The following LAMC2 variants were observed in gnomAD, a reference collection of about 807,000 sequenced individuals.
LAMC2 encodes the protein laminin subunit gamma 2.
A neutral mutation model predicts 140.2 loss-of-function variants in LAMC2; 97 were observed. The observed-to-expected ratio is 0.69, with a 90% CI of 0.59 to 0.82. LAMC2 has a LOEUF of 0.82. LAMC2 is among the 40% of genes least tolerant of loss of function. LAMC2 has a pLI of 0.00. For missense variants in LAMC2, 1,402 were observed against 1,476.1 expected (o/e 0.95, Z 0.82); for synonymous variants, 513 against 540.2 (o/e 0.95, Z 0.70).
chr1:183,219,602 T>C (rs1306559698), intron 4 of LAMC2, among the ~76,000 whole-genome samples: 1 of 152,126 alleles, frequency 6.6e-6, no homozygotes, highest in Non-Finnish European at 1.5e-5. Context: ...TCCTTTCCCT[T>C]CTTTTGTCTT....
At position 183,226,836 on chromosome 1, in the gene LAMC2, G is replaced by C. The variant is rs1659641015; in HGVS notation, c.1205G>C (p.Arg402Thr). The change falls in exon 9 of 23, where the codon AGA becomes ACA. Residue 402 changes from arginine (R) to threonine (T), a missense_variant. Arg to Thr is a moderately conservative substitution (Grantham distance 71, BLOSUM62 -1). Coordinates refer to ENST00000264144, the MANE Select transcript of LAMC2 (RefSeq NM_005562.3). ...CAGGATTGTGCTTCTGGCTACAAGA[G>C]AGATTCAGCGAGACTGGGGCCTTTT... ...FCQDCASGYK[R>T]DSARLGPFGT... The C allele has an allele frequency of 6.2e-7, 1 of 1,614,248 alleles. No homozygotes were observed. Among genetic ancestry groups the C allele is most frequent in the East Asian group, 2.2e-5 (1 of 44,888 alleles).
chr1:183,222,173 C>T lies in LAMC2; in HGVS notation c.725C>T (p.Ser242Leu). The change falls in exon 6 of 23, where the codon TCA (serine) becomes TTA (leucine). Residue 242 changes from serine (S) to leucine (L), a missense_variant. Physicochemically the swap from Ser to Leu is moderately radical, Grantham distance 145. Transcript: ENST00000264144. ...CAGCGCCATCAAGATGTGTTTAGCT[C>T]AGCCCAACGACTAGACCCTGTCTAT... ...WSQRHQDVFS[S>L]AQRLDPVYFV... The T allele has an allele frequency of 1.9e-6, 3 of 1,614,154 alleles. No individual in the cohort carries two copies. Among genetic ancestry groups the T allele is most frequent in the South Asian group, 2.2e-5 (2 of 91,084 alleles).
intron 22 of LAMC2, chr1:183,241,111 G>A (rs1289404756): frequency 6.1e-6 from 1 of 163,274 alleles, no homozygotes; most frequent in African/African-American, 2.4e-5. Flanking sequence ...AGCTGGATGT[G>A]GTGGTGGGCG....
At chr1:183,238,494 A>G (rs936973891) in intron 19 of LAMC2, 73 bp downstream of exon 19, 5 of 942,306 alleles carry the variant, frequency 5.3e-6, no homozygotes, top group African/African-American at 4.8e-5. Context: ...TTGAATTCTC[A>G]TATGTCTCTC....
At chr1:183,255,002 A>G in the LAMC2 span, among the ~76,000 whole-genome samples, 2 of 152,176 alleles carry the variant, frequency 1.3e-5, no homozygotes, top group Non-Finnish European at 2.9e-5. Flanking sequence ...GACCAATGTC[A>G]AGGAGATTTT....
intron 2 of LAMC2, among the ~76,000 whole-genome samples, chr1:183,210,730 C>T (rs1304273508): frequency 6.6e-6 from 1 of 152,236 alleles, no homozygotes; most frequent in East Asian, 1.9e-4. Flanking sequence ...TAGATGATGT[C>T]CTTCTTAGTC....
downstream of LAMC2, among the ~76,000 whole-genome samples, chr1:183,247,654 ACT>A (rs1660267522): frequency 6.6e-6 from 1 of 152,240 alleles, no homozygotes; most frequent in Non-Finnish European, 1.5e-5. Flanking sequence ...ATAGGGAATT[ACT>A]GTTTCACCTT....
chr1:183,256,334 A>G, the LAMC2 span, among the ~76,000 whole-genome samples: 1 of 152,102 alleles, frequency 6.6e-6, no homozygotes, highest in Non-Finnish European at 1.5e-5. Context: ...ACGTGAACCC[A>G]GGAGGCGGAG....
chr1:183,199,907 A>G (rs892974780), intron 1 of LAMC2, among the ~76,000 whole-genome samples: 2 of 152,248 alleles, frequency 1.3e-5, no homozygotes, highest in South Asian at 2.1e-4. Flanking sequence ...ATTGGAGCCC[A>G]GTGAACTCTT....
chr1:183,205,340 A>C (rs758045301), intron 1 of LAMC2, among the ~76,000 whole-genome samples: 1 of 152,190 alleles, frequency 6.6e-6, no homozygotes, highest in Non-Finnish European at 1.5e-5. Flanking sequence ...CATCTGTTGG[A>C]GATCCAAAAA....
At position 183,220,917 on chromosome 1, in the gene LAMC2, C is replaced by G; in HGVS notation, c.596C>G (p.Ser199Cys). 1 of 1,614,134 alleles carries G rather than the reference C, an allele frequency of 6.2e-7. No homozygotes were observed. The highest frequency in any genetic ancestry group is 2.2e-5 in the East Asian group (1 of 44,886). The change falls in exon 5 of 23, where the codon TCT becomes TGT. Residue 199 changes from serine to cysteine, a missense_variant. Ser to Cys is a moderately radical substitution (Grantham distance 112). Coordinates refer to ENST00000264144, the MANE Select transcript of LAMC2 (RefSeq NM_005562.3). The stretch of plus-strand genomic sequence containing the variant: ...GGGCATTCAGCCAGCTGCCGCAGCT[C>G]TGCAGAATACAGTGTCCATAAGATC... ...CYGHSASCRS[S>C]AEYSVHKITS...
intron 1 of LAMC2, among the ~76,000 whole-genome samples, chr1:183,194,703 C>A (rs868206226): frequency 6.6e-6 from 1 of 152,278 alleles, no homozygotes. Context: ...CCTCTGGCAT[C>A]CCTGGAATCT....
chr1:183,186,751 C>T (rs1419828945), intron 1 of LAMC2, among the ~76,000 whole-genome samples: 7 of 152,146 alleles, frequency 4.6e-5, no homozygotes, highest in African/African-American at 1.7e-4. Context: ...TTGTTATATA[C>T]GTTCTTTCCC....
downstream of LAMC2, chr1:183,249,247 TG>T: frequency 6.6e-6 from 1 of 152,378 alleles, no homozygotes; most frequent in Non-Finnish European, 1.5e-5. Flanking sequence ...AGAGGCTGCC[TG>T]GGGTTGGGGG....
At chr1:183,240,234 C>G (rs1660090766) in intron 21 of LAMC2, 36 bp downstream of exon 21, 1 of 1,614,074 alleles carries the variant, frequency 6.2e-7, no homozygotes, top group Admixed American at 1.7e-5. Context: ...AGATCCCTTT[C>G]AACTTGCCAA....
rs575710220 is a variant in LAMC2, at chr1:183,218,248, C to T, written c.405-142C>T. 7.3e-5 allele frequency: 52 copies of T among 712,024 alleles called. 1 individual carries two copies. The highest frequency in any genetic ancestry group is 3.7e-4 in the East Asian group (14 of 37,446). The allele number at this position is 712,024 out of a possible 1,614,324, so 44.1% of individuals were successfully genotyped here. On this transcript the variant is annotated intron_variant, in intron 3 of 22. Coordinates refer to ENST00000264144, the MANE Select transcript of LAMC2 (RefSeq NM_005562.3). Reference sequence around the variant, plus strand: ...CTTAAGTGTGTGAGAGAGGTCCGCACGGGCGAGGATGGCTAGGAGAAGCCT... The same window carrying T: ...CTTAAGTGTGTGAGAGAGGTCCGCATGGGCGAGGATGGCTAGGAGAAGCCT...
intron 1 of LAMC2, among the ~76,000 whole-genome samples, chr1:183,196,085 G>A (rs1022505463): frequency 6.6e-6 from 1 of 152,022 alleles, no homozygotes; most frequent in African/African-American, 2.4e-5. Flanking sequence ...GCTTTAGATT[G>A]CATACATAAT....
At chr1:183,206,304 GTTATAGAAATTACTGTAAGGCAGTCAC>G (rs1292740958) in intron 1 of LAMC2, among the ~76,000 whole-genome samples, 5 of 152,192 alleles carry the variant, frequency 3.3e-5, no homozygotes, top group African/African-American at 1.2e-4. Context: ...GAAAGAGTGA[GTTATAGAAATTACTGTAAGGCAGTCAC>G]TTAGCAGGTC....
rs149894293 is a variant in LAMC2, at chr1:183,235,717, G to C, written c.2443G>C (p.Gly815Arg). The C allele has an allele frequency of 1.2e-6, 2 of 1,614,044 alleles. No individual in the cohort carries two copies. The highest frequency in any genetic ancestry group is 1.7e-6 in the Non-Finnish European group (2 of 1,180,030). ...TAGCCCGGACGGTGCTGTGGTGCAA[G>C]GGCTTGTGGAAAAGTACGTTCCTAC... ...SGSPDGAVVQ[G>R]LVEKLEKTKS... Residue 815 changes from glycine (G) to arginine (R), a missense_variant, in exon 16 of 23, where the codon GGG (glycine) becomes CGG (arginine). Physicochemically the swap from Gly to Arg is moderately radical, Grantham distance 125. Transcript: ENST00000264144.
Sources: gnomAD v4.1 joint callset for allele counts (sites outside exome capture counted in the v4.1 genomes callset) on GRCh38, gnomAD v4.1.1 for gene constraint, MANE v1.5 for transcripts, NCBI Gene and HGNC (gene_info 2026-07-23, HGNC 2026-07-21) for gene names.